SH3GL2: variants seen among roughly 807,000 people sequenced by gnomAD.
SH3GL2 encodes the protein endophilin-A1.
A neutral mutation model predicts 46.0 loss-of-function variants in SH3GL2; 24 were observed. That is an observed-to-expected ratio of 0.52 (90% confidence interval 0.38 to 0.73). The LOEUF (loss-of-function observed/expected upper bound fraction) is 0.73, where lower values mean the gene tolerates loss of function less well. SH3GL2 is among the 30% of genes least tolerant of loss of function. The pLI is 0.00. For synonymous variants in SH3GL2, 196 were observed against 147.1 expected, an observed-to-expected ratio of 1.33 and a Z score of -2.40; for missense variants, 413 against 424.2, an observed-to-expected ratio of 0.97 and a Z score of 0.23.
chr9:17,652,512 C>CAGA (rs1439876620), intron 1 of SH3GL2, among the ~76,000 whole-genome samples: 1 of 152,026 alleles, frequency 6.6e-6, no homozygotes, highest in Non-Finnish European at 1.5e-5. Context: ...ATGAGTGCTT[C>CAGA]AGAAGAGCAG....
intron 1 of SH3GL2, among the ~76,000 whole-genome samples, chr9:17,601,091 CAT>C (rs1243960329): frequency 6.6e-6 from 1 of 152,156 alleles, no homozygotes; most frequent in African/African-American, 2.4e-5. Flanking sequence ...CTGGGTGCCT[CAT>C]GTGTGGTGGT....
chr9:17,777,189 A>T (rs998697381), intron 3 of SH3GL2, among the ~76,000 whole-genome samples: 29 of 152,320 alleles, frequency 1.9e-4, no homozygotes, highest in African/African-American at 6.7e-4. Context: ...AGGACTCAAT[A>T]ACCATGCAGT....
intron 1 of SH3GL2, chr9:17,589,877 C>G (rs1818449093): frequency 6.6e-6 from 1 of 152,204 alleles, no homozygotes; most frequent in Non-Finnish European, 1.5e-5. Flanking sequence ...GCCCCATGCT[C>G]TTTGACGTGA....
At chr9:17,610,464 G>A (rs371663061) in intron 1 of SH3GL2, among the ~76,000 whole-genome samples, 117 of 152,308 alleles carry the variant, frequency 7.7e-4, no homozygotes, top group African/African-American at 2.7e-3. Context: ...AAAAACTGAT[G>A]TTCGATTGTT....
intron 1 of SH3GL2, among the ~76,000 whole-genome samples, chr9:17,583,745 A>G (rs1180819371): frequency 6.6e-6 from 1 of 152,100 alleles, no homozygotes; most frequent in East Asian, 1.9e-4. Context: ...CTTAACTGGG[A>G]AAATTTCATC....
chr9:17,753,006 C>G (rs1290256646), intron 2 of SH3GL2, among the ~76,000 whole-genome samples: 1 of 152,110 alleles, frequency 6.6e-6, no homozygotes, highest in Non-Finnish European at 1.5e-5. Flanking sequence ...TAATGGCCTC[C>G]AGGTTCATCC....
At chr9:17,787,260 T>C (rs1823986670) in intron 4 of SH3GL2, 120 bp from the exon 5 acceptor site, 1 of 761,448 alleles carries the variant, frequency 1.3e-6, no homozygotes, top group Non-Finnish European at 2.2e-6. Context: ...TATTCTCTCT[T>C]GTCTGTTGTC....
intron 1 of SH3GL2, among the ~76,000 whole-genome samples, chr9:17,708,479 A>G (rs1821533399): frequency 6.6e-6 from 1 of 152,000 alleles, no homozygotes; most frequent in Admixed American, 6.6e-5. Context: ...GCTTTTAAAA[A>G]CATGTGAAGT....
chr9:17,656,277 G>A (rs899725488), intron 1 of SH3GL2, among the ~76,000 whole-genome samples: 26 of 152,142 alleles, frequency 1.7e-4, no homozygotes, highest in African/African-American at 5.8e-4. Context: ...ATATATTAGA[G>A]GATGTTTTAA....
intron 1 of SH3GL2, chr9:17,653,752 C>A: frequency 7.9e-6 from 2 of 252,102 alleles, no homozygotes; most frequent in Non-Finnish European, 1.3e-5. Flanking sequence ...TTAACTTTTA[C>A]ATGGAAGCCT....
chr9:17,651,036 T>A (rs546369960), intron 1 of SH3GL2, among the ~76,000 whole-genome samples: 26 of 152,220 alleles, frequency 1.7e-4, no homozygotes, highest in Admixed American at 6.5e-4. Context: ...TGTGTGTGTG[T>A]GAGAGAGACA....
chr9:17,723,354 A>T (rs1013607346), intron 1 of SH3GL2, among the ~76,000 whole-genome samples: 1 of 152,288 alleles, frequency 6.6e-6, no homozygotes, highest in South Asian at 2.1e-4. Context: ...TTAATATCAC[A>T]TTATTTTTGC....
chr9:17,661,363 A>T (rs972074912), intron 1 of SH3GL2, among the ~76,000 whole-genome samples: 1 of 152,086 alleles, frequency 6.6e-6, no homozygotes, highest in African/African-American at 2.4e-5. Context: ...GGATGGAGAG[A>T]CATCTTGATA....
intron 1 of SH3GL2, among the ~76,000 whole-genome samples, chr9:17,715,194 C>CT (rs554919094): frequency 0.01 from 1,311 of 128,888 alleles, 14 homozygotes; most frequent in African/African-American, 0.03. Context: ...TCTTTCTTTT[C>CT]TTTTTTTTTT....
chr9:17,755,147 T>C (rs1313299867), intron 2 of SH3GL2, among the ~76,000 whole-genome samples: 1 of 152,242 alleles, frequency 6.6e-6, no homozygotes, highest in African/African-American at 2.4e-5. Flanking sequence ...CTTATTGTTT[T>C]GAGGTGCATT....
intron 1 of SH3GL2, among the ~76,000 whole-genome samples, chr9:17,618,048 T>G (rs529741112): frequency 6.6e-6 from 1 of 152,214 alleles, no homozygotes; most frequent in African/African-American, 2.4e-5. Flanking sequence ...GAAGTTGCAG[T>G]TGGGAGTTCT....
intron 3 of SH3GL2, among the ~76,000 whole-genome samples, chr9:17,783,067 G>A (rs1341109834): frequency 6.6e-6 from 1 of 152,068 alleles, no homozygotes. Context: ...CCTGGAAGGA[G>A]GAAAGAAAGA....
intron 3 of SH3GL2, among the ~76,000 whole-genome samples, chr9:17,772,123 A>G (rs1823501939): frequency 6.6e-6 from 1 of 152,182 alleles, no homozygotes. Flanking sequence ...TTCACCTAAG[A>G]AAACCAGGCC....
intron 1 of SH3GL2, among the ~76,000 whole-genome samples, chr9:17,629,761 A>T (rs1819376342): frequency 6.6e-6 from 1 of 152,142 alleles, no homozygotes; most frequent in African/African-American, 2.4e-5. Context: ...CTTTTCATTG[A>T]TGGGCTACTA....
Sources: allele counts gnomAD v4.1 joint callset (sites outside exome capture counted in the v4.1 genomes callset), GRCh38; gene constraint gnomAD v4.1.1; transcripts MANE v1.5; gene names NCBI Gene and HGNC (gene_info 2026-07-23, HGNC 2026-07-21).